Variants in LTA4H observed in about 807,000 individuals in gnomAD.
The protein encoded by LTA4H is leukotriene A4 hydrolase.
In LTA4H, 59 loss-of-function variants were observed where a neutral mutation model predicts 89.8. The observed-to-expected ratio is 0.66, with a 90% confidence interval of 0.53 to 0.82. The LOEUF (loss-of-function observed/expected upper bound fraction) is 0.82, where lower values mean the gene tolerates loss of function less well. Among genes scored for constraint, LTA4H ranks in the 40% least tolerant of loss-of-function variants. The pLI is 0.00. For missense variants in LTA4H, 617 were observed against 727.0 expected (o/e 0.85, Z 1.74); for synonymous variants, 227 against 253.1 (o/e 0.90, Z 0.98).
chr12:96,003,215 C>A (rs940046332), intron 17 of LTA4H, 151 bp from the exon 18 acceptor site: 4 of 534,530 alleles, frequency 7.5e-6, no homozygotes, highest in African/African-American at 3.8e-5. Context: ...GATTCTGAGA[C>A]TCTCAAATCC....
At chr12:96,027,174 C>T (rs1238711132) in intron 3 of LTA4H, among the ~76,000 whole-genome samples, 1 of 152,074 alleles carries the variant, frequency 6.6e-6, no homozygotes, top group African/African-American at 2.4e-5. Flanking sequence ...CTACTCTCTG[C>T]TAAGTTCTAA....
At chr12:96,042,584 C>T (rs1245684350) in intron 1 of LTA4H, among the ~76,000 whole-genome samples, 2 of 152,138 alleles carry the variant, frequency 1.3e-5, no homozygotes, top group African/African-American at 4.8e-5. Context: ...AGACTCAGAC[C>T]TTAGTTATAG....
At chr12:96,019,720 T>C (rs1276409112) in intron 6 of LTA4H, among the ~76,000 whole-genome samples, 1 of 151,440 alleles carries the variant, frequency 6.6e-6, no homozygotes, top group East Asian at 1.9e-4. Flanking sequence ...GCCTCCCTAG[T>C]AGCTGGGACT....
At chr12:96,013,694 G>T in intron 13 of LTA4H, 56 bp downstream of exon 13, 1 of 899,252 alleles carries the variant, frequency 1.1e-6, no homozygotes, top group Non-Finnish European at 1.8e-6. Context: ...AACCTAATCA[G>T]TCAATAAATA....
intron 4 of LTA4H, 38 bp downstream of exon 4, chr12:96,024,441 T>C (rs756618010): frequency 3.6e-6 from 4 of 1,122,060 alleles, no homozygotes; most frequent in Non-Finnish European, 4.1e-6. Context: ...TTTACTGATA[T>C]GCATCATTTA....
intron 3 of LTA4H, among the ~76,000 whole-genome samples, chr12:96,025,782 G>A (rs1382943445): frequency 2.7e-5 from 4 of 148,054 alleles, no homozygotes; most frequent in Admixed American, 6.8e-5. Flanking sequence ...ACCCAAGTTC[G>A]CACCATTGCA....
At chr12:96,011,678 A>C (rs1950303296) in intron 14 of LTA4H, 1 of 152,210 alleles carries the variant, frequency 6.6e-6, no homozygotes. Flanking sequence ...AGTGCCTGAC[A>C]ATAAATGTGT....
intron 15 of LTA4H, among the ~76,000 whole-genome samples, chr12:96,007,558 C>A (rs1362124174): frequency 6.6e-6 from 1 of 152,058 alleles, no homozygotes; most frequent in East Asian, 1.9e-4. Flanking sequence ...TATAAATATT[C>A]TTTTGCATTT....
upstream of LTA4H, among the ~76,000 whole-genome samples, chr12:96,036,067 C>G (rs1199116739): frequency 6.6e-6 from 1 of 152,114 alleles, no homozygotes; most frequent in Non-Finnish European, 1.5e-5. Flanking sequence ...ACGCGGGAGA[C>G]CGGGGTTCGA....
At position 96,024,479 on chromosome 12, in the gene LTA4H, C is replaced by A; in HGVS notation, c.480G>T (p.Glu160Asp). 6.3e-7 allele frequency: 1 copy of A among 1,580,258 alleles called. No individual in the cohort carries two copies. Among genetic ancestry groups the A allele is most frequent in the South Asian group, 1.1e-5 (1 of 89,996 alleles). ...TGAGTTAATAATTCGTAATATTTAC[C>A]TCTGCAGTATAGGTTAATTTCACAG... ...TPSVKLTYTA[E>D]VSVPKELVAL... The change falls in exon 4 of 19, where the codon GAG becomes GAT. Residue 160 changes from glutamate to aspartate, a missense_variant and splice_region_variant. Coordinates refer to ENST00000228740, the MANE Select transcript of LTA4H (RefSeq NM_000895.3).
rs116764553 is a variant in LTA4H at position 96,014,807 on chromosome 12, C to A, written c.1204+48G>T. Reference sequence around the variant, plus strand: ...AGTTTACAATTCTTCCTAATTCTCACATTACCCTCAAAAAGAAAAAAAAAA... The same window carrying A: ...AGTTTACAATTCTTCCTAATTCTCAAATTACCCTCAAAAAGAAAAAAAAAA... On this transcript the variant is annotated intron_variant, in intron 12 of 18. Coordinates refer to ENST00000228740, the MANE Select transcript of LTA4H (RefSeq NM_000895.3). 1,142 of 1,541,850 alleles carry A rather than the reference C, an allele frequency of 7.4e-4. 6 individuals are homozygous for A. The African/African-American group carries it at 0.013, about 18-fold the overall frequency.
intron 7 of LTA4H, 85 bp from the exon 8 acceptor site, chr12:96,018,988 GT>G: frequency 7.6e-7 from 1 of 1,309,740 alleles, no homozygotes; most frequent in Non-Finnish European, 1.0e-6. Flanking sequence ...TTCTATGAAG[GT>G]TACAAGTTAA....
At chr12:96,019,425 T>TA (rs1044367928) in intron 6 of LTA4H, among the ~76,000 whole-genome samples, 185 bp from the exon 7 acceptor site, 8 of 151,990 alleles carry the variant, frequency 5.3e-5, no homozygotes, top group Non-Finnish European at 1.0e-4. Flanking sequence ...CAGCAATAGA[T>TA]ATGCAGCTCT....
upstream of LTA4H, among the ~76,000 whole-genome samples, chr12:96,040,512 C>T (rs1476492492): frequency 6.6e-6 from 1 of 152,192 alleles, no homozygotes; most frequent in Non-Finnish European, 1.5e-5. Context: ...TTATGACTCC[C>T]AGGAAGTGTC....
chr12:96,015,044 T>A, intron 11 of LTA4H, 45 bp from the exon 12 acceptor site: 1 of 1,573,308 alleles, frequency 6.4e-7, no homozygotes, highest in Middle Eastern at 1.7e-4. Flanking sequence ...GAAAGACTGC[T>A]ATCACCACGC....
At position 96,000,806 on chromosome 12, in the gene LTA4H, A is replaced by T. The variant is rs549657391; in HGVS notation, c.*183T>A. ...TAAATCAAAAGATTAAACCTTGTTA[A>T]AATTTACAAAGAATATGCCACTATA... On this transcript the variant is annotated 3_prime_UTR_variant, in exon 19 of 19. Transcript: ENST00000228740. 4.8e-5 allele frequency: 22 copies of T among 457,192 alleles called. No individual in the cohort carries two copies. In the Admixed American group the frequency reaches 5.8e-4, roughly 12 times the overall value. The allele number at this position is 457,192 out of a possible 1,614,324, so 28.3% of individuals were successfully genotyped here. A position where few individuals can be genotyped will look rare whatever the true frequency, so the allele number is the denominator to read the frequency against.
At position 96,028,977 on chromosome 12, in the gene LTA4H, A is replaced by C. The variant is rs941768842; in HGVS notation, c.290+78T>G. On this transcript the variant is annotated intron_variant, in intron 2 of 18. Transcript: ENST00000228740. ...CATATTTACAAACTAAAATTTAAAAAGAAAAAATATTTAAATTAGTTAAGA... is the reference window on the plus strand; with the variant it reads ...CATATTTACAAACTAAAATTTAAAACGAAAAAATATTTAAATTAGTTAAGA... 7.1e-6 allele frequency: 9 copies of C among 1,270,914 alleles called. No individual in the cohort carries two copies. In the South Asian group the frequency reaches 1.7e-4, roughly 24 times the overall value. The allele number at this position is 1,270,914 out of a possible 1,614,324, so 78.7% of individuals were successfully genotyped here.
In LTA4H at chr12:96,015,568, C is replaced by T. The variant is rs900548128; in HGVS notation, c.1059+15G>A. The T allele has an allele frequency of 5.1e-6, 8 of 1,573,972 alleles. No homozygotes were observed. Among genetic ancestry groups the T allele is most frequent in the African/African-American group, 2.7e-5 (2 of 73,798 alleles). ...CAACTTTGGATGAAGGTTTTTAAAA[C>T]TTTGACTCCTTTACCGAATTCTGTA... On this transcript the variant is annotated intron_variant, in intron 11 of 18. Coordinates refer to ENST00000228740, the MANE Select transcript of LTA4H (RefSeq NM_000895.3).
chr12:96,014,171 GA>G (rs1461676116), intron 12 of LTA4H: 1 of 196,648 alleles, frequency 5.1e-6, no homozygotes, highest in Non-Finnish European at 1.0e-5. Context: ...CTAGAAAGGA[GA>G]AAAATAAGAC....
Sources: gnomAD v4.1 joint callset for allele counts (sites outside exome capture counted in the v4.1 genomes callset) on GRCh38, gnomAD v4.1.1 for gene constraint, MANE v1.5 for transcripts, NCBI Gene and HGNC (gene_info 2026-07-23, HGNC 2026-07-21) for gene names.